TRIM36: variants seen among roughly 807,000 people sequenced by gnomAD.
TRIM36 encodes the protein tripartite motif containing 36.
In TRIM36, 42 loss-of-function variants were observed where a neutral mutation model predicts 72.4. The ratio of observed to expected loss-of-function variants is 0.58; its 90% CI spans 0.45 to 0.75. TRIM36 has a LOEUF of 0.75. Among genes scored for constraint, TRIM36 ranks in the 30% least tolerant of loss-of-function variants. TRIM36 has a pLI of 0.00. For synonymous variants in TRIM36, 315 were observed against 282.8 expected, an observed-to-expected ratio of 1.11 and a Z score of -1.14; for missense variants, 913 against 857.1, an observed-to-expected ratio of 1.07 and a Z score of -0.81.
At position 115,167,474 on chromosome 5, in the gene TRIM36, G is replaced by A. The variant is rs541623088; in HGVS notation, c.27+2134C>T. Among the ~76,000 whole-genome samples, 5 of 152,234 alleles carry A rather than the reference G, an allele frequency of 3.3e-5. No individual in the cohort carries two copies. The East Asian group carries it at 5.8e-4, about 18-fold the overall frequency. ...CAAATTTTCCAAACTTTTACGCTCC[G>A]CTTCATCTCTCTCAAGTTCAAAGCT... On this transcript the variant is annotated intron_variant, in intron 1 of 9. Transcript: ENST00000513154.
intron 4 of TRIM36, among the ~76,000 whole-genome samples, chr5:115,142,438 T>A (rs1242850887): frequency 6.6e-6 from 1 of 152,204 alleles, no homozygotes; most frequent in African/African-American, 2.4e-5. Flanking sequence ...GGCTTAGTTG[T>A]ATGATAGCAG....
At chr5:115,154,244 C>T (rs958190379) in intron 2 of TRIM36, among the ~76,000 whole-genome samples, 15 of 151,786 alleles carry the variant, frequency 9.9e-5, no homozygotes, top group Admixed American at 3.3e-4. Context: ...TGAAAGAGCA[C>T]CAAGAGACAA....
At chr5:115,173,886 C>T (rs1401694263), upstream of TRIM36, among the ~76,000 whole-genome samples, 1 of 152,110 alleles carries the variant, frequency 6.6e-6, no homozygotes, top group Non-Finnish European at 1.5e-5. Flanking sequence ...ATACTCTTGC[C>T]TTCATTGTGA....
rs562625244 is a variant in TRIM36, at chr5:115,125,389, T to C, written c.*1114A>G. ...GGGTACACAGTCATTGTGATCTTAG[T>C]TATCATTTCTAAGTAATTAAATTTG... On this transcript the variant is annotated 3_prime_UTR_variant, in exon 10 of 10. Coordinates refer to ENST00000513154, the MANE Select transcript of TRIM36 (RefSeq NM_001300759.2). The C allele has an allele frequency of 6.6e-6, 1 of 152,196 alleles. No individual in the cohort carries two copies. Among genetic ancestry groups the C allele is most frequent in the Non-Finnish European group, 1.5e-5 (1 of 67,984 alleles). The allele number at this position is 152,196 out of a possible 1,614,324, so 9.4% of individuals were successfully genotyped here.
At chr5:115,135,646 G>A (rs1461900757) in intron 7 of TRIM36, among the ~76,000 whole-genome samples, 1 of 151,976 alleles carries the variant, frequency 6.6e-6, no homozygotes, top group African/African-American at 2.4e-5. Flanking sequence ...AACCATTTTG[G>A]GATCCACAGG....
At chr5:115,139,577 T>C (rs1431801868) in intron 5 of TRIM36, among the ~76,000 whole-genome samples, 3 of 152,328 alleles carry the variant, frequency 2.0e-5, no homozygotes, top group East Asian at 1.9e-4. Context: ...GAGCAGAAGG[T>C]AGTGACATTT....
chr5:115,151,573 C>T (rs913266457), intron 2 of TRIM36, among the ~76,000 whole-genome samples: 3 of 152,210 alleles, frequency 2.0e-5, no homozygotes, highest in Admixed American at 6.5e-5. Context: ...GGAAGCCAAC[C>T]AGCACAAAAA....
chr5:115,163,151 T>G (rs1033531605), intron 2 of TRIM36, among the ~76,000 whole-genome samples: 11 of 152,044 alleles, frequency 7.2e-5, no homozygotes, highest in Admixed American at 4.6e-4. Context: ...GAGATGGAGT[T>G]TCTCCATGTT....
chr5:115,163,459 G>C, intron 2 of TRIM36, 59 bp downstream of exon 2: 1 of 1,418,954 alleles, frequency 7.0e-7, no homozygotes. Context: ...AGTTACCACT[G>C]AATATATATC....
rs187188238 is a variant in TRIM36 at position 115,156,160 on chromosome 5, T to C, written c.262+7358A>G. On this transcript the variant is annotated intron_variant, in intron 2 of 9. Transcript: ENST00000513154. ...TACAAAACACTGCTGAAAGAAATCA[T>C]AGAAGACATGAAAAAATGGAAACAC... Among the ~76,000 whole-genome samples, 210 of 152,134 alleles carry C rather than the reference T, an allele frequency of 1.4e-3. 1 individual carries two copies. Among genetic ancestry groups the C allele is most frequent in the African/African-American group, 4.8e-3 (199 of 41,524 alleles).
chr5:115,156,061 C>CA (rs1004635023), intron 2 of TRIM36, among the ~76,000 whole-genome samples: 4 of 151,410 alleles, frequency 2.6e-5, no homozygotes, highest in South Asian at 2.1e-4. Flanking sequence ...ACAATAGCTG[C>CA]AAAAAAAACC....
In TRIM36 at chr5:115,169,850, G is replaced by A; in HGVS notation, c.-216C>T. Reference sequence around the variant, plus strand: ...GCGGGAGAAGCGAGCTTTGCTCCCAGCGACTACCCCGGGAATCCCGCCCAG... The same window carrying A: ...GCGGGAGAAGCGAGCTTTGCTCCCAACGACTACCCCGGGAATCCCGCCCAG... On this transcript the variant is annotated 5_prime_UTR_variant, in exon 1 of 10. Transcript: ENST00000513154. 7.6e-7 allele frequency: 1 copy of A among 1,310,962 alleles called. No individual in the cohort carries two copies. Among genetic ancestry groups the A allele is most frequent in the Non-Finnish European group, 9.7e-7 (1 of 1,028,478 alleles). The allele number at this position is 1,310,962 out of a possible 1,614,324, so 81.2% of individuals were successfully genotyped here. A position where few individuals can be genotyped will look rare whatever the true frequency, so the allele number is the denominator to read the frequency against.
chr5:115,164,654 T>C (rs1754665009), intron 1 of TRIM36, among the ~76,000 whole-genome samples: 1 of 152,202 alleles, frequency 6.6e-6, no homozygotes. Flanking sequence ...CCTCAACACC[T>C]TGGGATTACA....
At position 115,169,902 on chromosome 5, in the gene TRIM36, G is replaced by A. The variant is rs557796838; in HGVS notation, c.-268C>T. 4.6e-6 allele frequency: 6 copies of A among 1,293,302 alleles called. No individual in the cohort carries two copies. The highest frequency in any genetic ancestry group is 3.2e-5 in the East Asian group (1 of 31,580). 80.1% of individuals were successfully genotyped at this position (1,293,302 alleles called of 1,614,324 possible). ...TGCCGGCTGCAGCAGCGGCTCCTGC[G>A]GACTGCGGCTGGGAACGGCGCCGCG... On this transcript the variant is annotated 5_prime_UTR_variant, in exon 1 of 10. Coordinates refer to ENST00000513154, the MANE Select transcript of TRIM36 (RefSeq NM_001300759.2).
intron 1 of TRIM36, among the ~76,000 whole-genome samples, chr5:115,179,255 C>T (rs911732052): frequency 2.6e-5 from 4 of 152,106 alleles, no homozygotes; most frequent in African/African-American, 2.4e-5. Flanking sequence ...GACTCAGGCC[C>T]GGCACCACCC....
intron 2 of TRIM36, among the ~76,000 whole-genome samples, chr5:115,150,438 C>T (rs1269019627): frequency 6.6e-6 from 1 of 152,198 alleles, no homozygotes; most frequent in Non-Finnish European, 1.5e-5. Context: ...CAGGGTTGAA[C>T]ATTTCCATTA....
Position 115,126,297 on chromosome 5 carries a change from A to C in TRIM36, c.*206T>G. 1.9e-6 allele frequency: 1 copy of C among 534,982 alleles called. No individual in the cohort carries two copies. Among genetic ancestry groups the C allele is most frequent in the South Asian group, 3.1e-5 (1 of 32,046 alleles). 33.1% of individuals were successfully genotyped at this position (534,982 alleles called of 1,614,324 possible). A position where few individuals can be genotyped will look rare whatever the true frequency, so the allele number is the denominator to read the frequency against. ...ACCACTTCAGTATTAACTTGGAAAG[A>C]ACATCTTCACTTTCATCATTTGTGA... On this transcript the variant is annotated 3_prime_UTR_variant, in exon 10 of 10. Transcript: ENST00000513154.
chr5:115,134,148 C>G lies in TRIM36; in HGVS notation c.1211-1G>C. On this transcript the variant is annotated splice_acceptor_variant, in intron 7 of 9. Coordinates refer to ENST00000513154, the MANE Select transcript of TRIM36 (RefSeq NM_001300759.2). LOFTEE classifies it high-confidence loss of function. ...TCATTGATCTCTGGCACGTCTATGC[C>G]TGAAAGAATTATGAAATAGAAAACA... 1.3e-6 allele frequency: 2 copies of G among 1,549,862 alleles called. No individual in the cohort carries two copies. Among genetic ancestry groups the G allele is most frequent in the African/African-American group, 1.4e-5 (1 of 72,208 alleles).
Position 115,126,617 on chromosome 5 carries a change from G to A in TRIM36, c.2037C>T (p.Arg679=). The A allele has an allele frequency of 1.2e-6, 2 of 1,614,084 alleles. No individual in the cohort carries two copies. Among genetic ancestry groups the A allele is most frequent in the Non-Finnish European group, 1.7e-6 (2 of 1,180,000 alleles). The change falls in exon 10 of 10, where the codon CGC becomes CGT. Residue 679 remains arginine (R), a synonymous_variant. Coordinates refer to ENST00000513154, the MANE Select transcript of TRIM36 (RefSeq NM_001300759.2). ...DMDQMKCLYE[R]QVDCSHTLYP... is the part of the protein sequence containing the mutation. The stretch of plus-strand genomic sequence containing the variant: ...ACAGTGTATGTGAACAGTCCACTTG[G>A]CGTTCATAAAGGCATTTCATCTGAT...
Sources: gnomAD v4.1 joint callset for allele counts (sites outside exome capture counted in the v4.1 genomes callset) on GRCh38, gnomAD v4.1.1 for gene constraint, MANE v1.5 for transcripts, NCBI Gene and HGNC (gene_info 2026-07-23, HGNC 2026-07-21) for gene names.